Variants in LRRIQ1 observed in about 807,000 individuals in gnomAD.
The protein encoded by LRRIQ1 is leucine rich repeats and IQ motif containing 1.
LRRIQ1 carries 210 observed loss-of-function variants against 211.9 expected under a neutral mutation model. The observed-to-expected ratio is 0.99, with a 90% confidence interval of 0.89 to 1.11. The LOEUF (loss-of-function observed/expected upper bound fraction) is 1.11, where lower values mean the gene tolerates loss of function less well. LRRIQ1 is among the 50% of genes most tolerant of loss of function. The pLI, the probability that LRRIQ1 is intolerant of heterozygous loss-of-function variation, is 0.00. For synonymous variants in LRRIQ1, 699 were observed against 650.1 expected (o/e 1.08, Z -1.14); for missense variants, 2,136 against 1,939.5 (o/e 1.10, Z -1.90).
At chr12:85,186,094 G>C (rs1026424861) in intron 24 of LRRIQ1, among the ~76,000 whole-genome samples, 7 of 151,972 alleles carry the variant, frequency 4.6e-5, no homozygotes, top group African/African-American at 1.7e-4. Flanking sequence ...ATGCAATTAA[G>C]TTACAAATGC....
At chr12:85,155,653 A>G (rs1890501888) in intron 23 of LRRIQ1, among the ~76,000 whole-genome samples, 1 of 151,664 alleles carries the variant, frequency 6.6e-6, no homozygotes, top group African/African-American at 2.4e-5. Context: ...TAATTATGAC[A>G]TAGTTGTATT....
At chr12:85,264,891 A>G (rs1278175794), downstream of LRRIQ1, among the ~76,000 whole-genome samples, 1 of 152,002 alleles carries the variant, frequency 6.6e-6, no homozygotes, top group East Asian at 1.9e-4. Context: ...TTCTGTAAAT[A>G]CCCCATCCCA....
intron 14 of LRRIQ1, among the ~76,000 whole-genome samples, chr12:85,105,898 G>T (rs1886748997): frequency 6.7e-6 from 1 of 148,938 alleles, no homozygotes; most frequent in South Asian, 2.1e-4. Context: ...CCGGGTTCAA[G>T]TGATTCTCCT....
chr12:85,072,070 T>C (rs897832417), intron 10 of LRRIQ1, among the ~76,000 whole-genome samples: 2 of 152,054 alleles, frequency 1.3e-5, no homozygotes, highest in Non-Finnish European at 2.9e-5. Context: ...CATACAATTA[T>C]TTTTAAATTT....
chr12:85,039,751 C>T (rs1417187850), intron 2 of LRRIQ1, among the ~76,000 whole-genome samples: 1 of 151,418 alleles, frequency 6.6e-6, no homozygotes, highest in African/African-American at 2.4e-5. Context: ...GCATTTATAT[C>T]GTTTCATTGA....
At chr12:85,210,944 G>T (rs1893808827) in intron 24 of LRRIQ1, among the ~76,000 whole-genome samples, 1 of 152,198 alleles carries the variant, frequency 6.6e-6, no homozygotes, top group South Asian at 2.1e-4. Context: ...CTAAGGTTGG[G>T]ATTTCTCAGC....
chr12:85,047,418 G>T lies in LRRIQ1; in HGVS notation c.626G>T (p.Cys209Phe), dbSNP rs1347015349. Residue 209 changes from cysteine to phenylalanine, a missense_variant, in exon 6 of 27, where the codon TGC (cysteine) becomes TTC (phenylalanine). By Grantham distance (205) the Cys-to-Phe change is radical. Coordinates refer to ENST00000393217, the MANE Select transcript of LRRIQ1 (RefSeq NM_001079910.2). ...QFQEEEEKRHCWMKQFKVEKK... is the reference protein window; with the variant it reads ...QFQEEEEKRHFWMKQFKVEKK... ...CAAGAAGAAGAAGAAAAGCGACATT[G>T]CTGGATGAAACAATTTAAAGTTGAA... 6 of 1,613,186 alleles carry T rather than the reference G, an allele frequency of 3.7e-6. No homozygotes were observed. The highest frequency in any genetic ancestry group is 5.1e-6 in the Non-Finnish European group (6 of 1,179,554).
intron 11 of LRRIQ1, among the ~76,000 whole-genome samples, chr12:85,090,843 AG>A (rs1311768732): frequency 3.9e-5 from 6 of 152,148 alleles, no homozygotes; most frequent in Non-Finnish European, 1.5e-5. Context: ...CAATGTGAGA[AG>A]GACATGATAT....
At chr12:85,066,389 A>G (rs1474878499) in intron 9 of LRRIQ1, among the ~76,000 whole-genome samples, 1 of 151,836 alleles carries the variant, frequency 6.6e-6, no homozygotes, top group Non-Finnish European at 1.5e-5. Flanking sequence ...GCCACCCCAC[A>G]TACAATGGTG....
chr12:85,232,629 A>G (rs2137201671), intron 25 of LRRIQ1, 67 bp from the exon 26 acceptor site: 1 of 1,259,600 alleles, frequency 7.9e-7, no homozygotes, highest in South Asian at 1.3e-5. Context: ...TTTTAGTTGG[A>G]CGTTTCTTTT....
intron 24 of LRRIQ1, among the ~76,000 whole-genome samples, chr12:85,210,405 C>T (rs536208134): frequency 6.6e-6 from 1 of 152,198 alleles, no homozygotes; most frequent in Admixed American, 6.5e-5. Flanking sequence ...TGATAAAACA[C>T]GATGTTTTTG....
intron 11 of LRRIQ1, among the ~76,000 whole-genome samples, chr12:85,088,472 A>G (rs1224149732): frequency 9.9e-5 from 15 of 152,064 alleles, no homozygotes; most frequent in East Asian, 1.9e-4. Flanking sequence ...GTTTTTTCCA[A>G]TTCTGTGAAG....
chr12:85,211,968 A>G (rs1893857283), intron 24 of LRRIQ1, among the ~76,000 whole-genome samples: 1 of 152,164 alleles, frequency 6.6e-6, no homozygotes, highest in South Asian at 2.1e-4. Context: ...AGGAAACAAA[A>G]GGTTTAAAAA....
chr12:85,152,597 C>A (rs1446589404), intron 20 of LRRIQ1, among the ~76,000 whole-genome samples: 3 of 150,676 alleles, frequency 2.0e-5, no homozygotes, highest in Non-Finnish European at 4.4e-5. Flanking sequence ...TTCACAGTAG[C>A]AAAAGAAAAA....
intron 11 of LRRIQ1, among the ~76,000 whole-genome samples, chr12:85,088,683 T>A (rs779817648): frequency 5.3e-5 from 8 of 152,210 alleles, no homozygotes; most frequent in Non-Finnish European, 1.0e-4. Flanking sequence ...GTTGGATTCC[T>A]AGGTATTTTA....
intron 13 of LRRIQ1, among the ~76,000 whole-genome samples, chr12:85,100,441 G>A (rs1351939711): frequency 2.0e-5 from 3 of 151,516 alleles, no homozygotes; most frequent in African/African-American, 4.8e-5. Context: ...TAATACAAAT[G>A]TTTTCTATTT....
chr12:85,041,281 C>A (rs977835561), intron 3 of LRRIQ1, among the ~76,000 whole-genome samples: 6 of 151,642 alleles, frequency 4.0e-5, no homozygotes, highest in Non-Finnish European at 5.9e-5. Context: ...AGAATGTGTT[C>A]TAGTCACTAA....
At position 85,153,685 on chromosome 12, in the gene LRRIQ1, T is replaced by C; in HGVS notation, c.4564T>C (p.Trp1522Arg). The C allele has an allele frequency of 1.3e-6, 2 of 1,583,666 alleles. No individual in the cohort carries two copies. Among genetic ancestry groups the C allele is most frequent in the Non-Finnish European group, 1.7e-6 (2 of 1,167,908 alleles). The change falls in exon 22 of 27, where the codon TGG (tryptophan) becomes CGG (arginine). Residue 1522 changes from tryptophan (W) to arginine (R), a missense_variant. By Grantham distance (101) the Trp-to-Arg change is moderately radical. Transcript: ENST00000393217. ...CAGATCAGAAAATAAAACTTCTTCC[T>C]GGACACCTGAATCAAAGACCAGTAG... ...NSRSENKTSS[W>R]TPESKTSRKS...
rs1291433358 is a variant in LRRIQ1, at chr12:85,137,909, G to C, written c.4269G>C (p.Lys1423Asn). 1 of 1,570,118 alleles carries C rather than the reference G, an allele frequency of 6.4e-7. No homozygotes were observed. Among genetic ancestry groups the C allele is most frequent in the East Asian group, 2.2e-5 (1 of 44,454 alleles). ...KKLTTALEAIKNEESDEEYRE... is the reference protein window; with the variant it reads ...KKLTTALEAINNEESDEEYRE... Reference sequence around the variant, plus strand: ...TGACAACAGCTCTAGAGGCTATTAAGAATGAAGAATCCGATGAAGAATACA... The same window carrying C: ...TGACAACAGCTCTAGAGGCTATTAACAATGAAGAATCCGATGAAGAATACA... Residue 1423 changes from lysine (K) to asparagine (N), a missense_variant, in exon 19 of 27, where the codon AAG (lysine) becomes AAC (asparagine). By Grantham distance (94) the Lys-to-Asn change is moderately conservative (BLOSUM62 0). Transcript: ENST00000393217.
Sources: gnomAD v4.1 joint callset for allele counts (sites outside exome capture counted in the v4.1 genomes callset) on GRCh38, gnomAD v4.1.1 for gene constraint, MANE v1.5 for transcripts, NCBI Gene and HGNC (gene_info 2026-07-23, HGNC 2026-07-21) for gene names.